Variants in LRBA observed in about 807,000 individuals in gnomAD.
LRBA encodes the protein lipopolysaccharide-responsive and beige-like anchor protein.
LRBA carries 176 observed loss-of-function variants against 330.0 expected under a neutral mutation model. That is an observed-to-expected ratio of 0.53 (90% CI 0.47 to 0.60). The LOEUF (loss-of-function observed/expected upper bound fraction) is 0.60, where lower values mean the gene tolerates loss of function less well. Among genes scored for constraint, LRBA ranks in the 20% least tolerant of loss-of-function variants. The pLI is 0.00. For synonymous variants in LRBA, 1,230 were observed against 1,193.0 expected, an observed-to-expected ratio of 1.03 and a Z score of -0.64; for missense variants, 3,259 against 3,444.8, an observed-to-expected ratio of 0.95 and a Z score of 1.35.
Position 150,436,723 on chromosome 4 carries a change from C to T in LRBA, c.6921+1G>A. The T allele has an allele frequency of 6.2e-7, 1 of 1,610,404 alleles. No individual in the cohort carries two copies. Reference sequence around the variant, plus strand: ...TGGTGTATTATTCAAATTGAACTTACTATTCTTAGCAGCCATGCAAGAACA... The same window carrying T: ...TGGTGTATTATTCAAATTGAACTTATTATTCTTAGCAGCCATGCAAGAACA... On this transcript the variant is annotated splice_donor_variant, in intron 45 of 56. Transcript: ENST00000651943. LOFTEE classifies it high-confidence loss of function.
chr4:150,814,494 A>G (rs1444281554), intron 31 of LRBA, among the ~76,000 whole-genome samples: 2 of 152,040 alleles, frequency 1.3e-5, no homozygotes, highest in African/African-American at 4.8e-5. Flanking sequence ...ACACTGAAAT[A>G]GAGAACCCAT....
intron 37 of LRBA, among the ~76,000 whole-genome samples, chr4:150,617,037 G>T (rs1317593303): frequency 2.0e-5 from 3 of 152,290 alleles, no homozygotes; most frequent in Admixed American, 2.0e-4. Context: ...CAGCAAGCTT[G>T]TCAACTAGGG....
chr4:150,987,100 A>G (rs1240203187), intron 2 of LRBA, among the ~76,000 whole-genome samples: 2 of 152,226 alleles, frequency 1.3e-5, no homozygotes, highest in Admixed American at 6.5e-5. Flanking sequence ...TCAGATTTAC[A>G]TAAGAAGGGT....
intron 36 of LRBA, among the ~76,000 whole-genome samples, chr4:150,706,539 T>TA (rs553855173): frequency 1.8e-3 from 268 of 151,504 alleles, no homozygotes; most frequent in African/African-American, 6.4e-3. Context: ...TATGTGTTTC[T>TA]ACCCTTCCAA....
Position 150,636,135 on chromosome 4 carries a change from T to C in LRBA, c.5922-37004A>G, listed in dbSNP as rs138810057. ...TACTAATGATGTCCATTTTGATCAC[T>C]TGATGACATGGTACCTACCAAGCTT... is the stretch of plus-strand genomic sequence containing the variant. On this transcript the variant is annotated intron_variant, in intron 37 of 56. Coordinates refer to ENST00000651943, the MANE Select transcript of LRBA (RefSeq NM_001364905.1). Among the ~76,000 whole-genome samples the C allele has an allele frequency of 8.7e-5, 13 of 149,600 alleles. No individual in the cohort carries two copies. In the East Asian group the frequency reaches 2.4e-3, roughly 28 times the overall value.
At chr4:150,907,714 C>A (rs539631509) in intron 11 of LRBA, among the ~76,000 whole-genome samples, 7 of 152,048 alleles carry the variant, frequency 4.6e-5, no homozygotes, top group Non-Finnish European at 7.4e-5. Flanking sequence ...TACATTGTTT[C>A]ACTAGAATAT....
intron 49 of LRBA, among the ~76,000 whole-genome samples, chr4:150,324,493 T>A (rs774048603): frequency 5.3e-5 from 8 of 150,692 alleles, no homozygotes; most frequent in Non-Finnish European, 1.0e-4. Flanking sequence ...TAGCTTATGA[T>A]GGCCAATTCA....
At chr4:150,848,765 G>T in intron 26 of LRBA, 53 bp downstream of exon 26, 1 of 1,367,620 alleles carries the variant, frequency 7.3e-7, no homozygotes, top group South Asian at 1.4e-5. Flanking sequence ...TGTCATCTCT[G>T]AATTACTGAA....
chr4:150,492,401 T>C (rs1487221021), intron 40 of LRBA, among the ~76,000 whole-genome samples: 1 of 152,100 alleles, frequency 6.6e-6, no homozygotes, highest in East Asian at 1.9e-4. Context: ...AATTCAGTAA[T>C]ATAATCAACG....
chr4:150,408,145 C>G (rs952508085), intron 47 of LRBA, among the ~76,000 whole-genome samples: 10 of 150,946 alleles, frequency 6.6e-5, no homozygotes, highest in African/African-American at 2.4e-4. Flanking sequence ...ATTGACAAAC[C>G]CTTTTAGCAA....
Position 150,601,026 on chromosome 4 carries a change from G to C in LRBA, c.5922-1895C>G, listed in dbSNP as rs191224542. On this transcript the variant is annotated intron_variant, in intron 37 of 56. Transcript: ENST00000651943. ...GGGTCTATTCATCAGTGCGGCAATC[G>C]GCACAAGTAATTAGTTCCCTAGACT... is the stretch of plus-strand genomic sequence containing the variant. 3.4e-4 allele frequency among the ~76,000 whole-genome samples: 51 copies of C among 152,228 alleles called. 1 individual carries two copies. In the East Asian group the frequency reaches 5.8e-3, roughly 17 times the overall value.
chr4:150,724,253 G>A (rs142886175), intron 36 of LRBA, among the ~76,000 whole-genome samples: 1 of 152,160 alleles, frequency 6.6e-6, no homozygotes, highest in Non-Finnish European at 1.5e-5. Flanking sequence ...CCCAGTTGCA[G>A]GTGGCTCAGC....
chr4:150,689,018 A>C (rs1221555354), intron 36 of LRBA, among the ~76,000 whole-genome samples: 1 of 152,216 alleles, frequency 6.6e-6, no homozygotes, highest in Non-Finnish European at 1.5e-5. Context: ...AGGTATGTTT[A>C]CTGCGGCACT....
chr4:150,738,822 A>AT (rs985197913), intron 35 of LRBA, among the ~76,000 whole-genome samples: 1 of 152,078 alleles, frequency 6.6e-6, no homozygotes, highest in Non-Finnish European at 1.5e-5. Flanking sequence ...TGGGAAAAAA[A>AT]TTAAGCAACA....
At chr4:150,466,123 A>G (rs1755420661) in intron 44 of LRBA, among the ~76,000 whole-genome samples, 1 of 152,090 alleles carries the variant, frequency 6.6e-6, no homozygotes, top group African/African-American at 2.4e-5. Flanking sequence ...AAAACAGACA[A>G]TGGCTAGATC....
chr4:150,283,141 G>A (rs1178279737), intron 54 of LRBA, among the ~76,000 whole-genome samples: 3 of 152,252 alleles, frequency 2.0e-5, no homozygotes, highest in Middle Eastern at 3.4e-3. Flanking sequence ...CTCTTCCCCC[G>A]CAACTGCTCA....
chr4:150,610,728 T>C (rs988119033), intron 37 of LRBA, among the ~76,000 whole-genome samples: 11 of 152,162 alleles, frequency 7.2e-5, no homozygotes, highest in East Asian at 3.9e-4. Context: ...ACGCCTGGGA[T>C]GACTATGGGT....
At chr4:150,572,599 AT>A (rs1041392961) in intron 40 of LRBA, among the ~76,000 whole-genome samples, 7 of 152,150 alleles carry the variant, frequency 4.6e-5, no homozygotes, top group African/African-American at 1.4e-4. Context: ...ACTTATCTAA[AT>A]CAAAACTTCA....
intron 9 of LRBA, among the ~76,000 whole-genome samples, chr4:150,913,452 A>G (rs1732234589): frequency 6.6e-6 from 1 of 152,134 alleles, no homozygotes. Flanking sequence ...GGGCAACAAG[A>G]GCAAAACTCC....
Sources: allele counts gnomAD v4.1 joint callset (sites outside exome capture counted in the v4.1 genomes callset), GRCh38; gene constraint gnomAD v4.1.1; transcripts MANE v1.5; gene names NCBI Gene and HGNC (gene_info 2026-07-23, HGNC 2026-07-21).